Variants in TBCA observed in about 807,000 individuals in gnomAD.
The protein encoded by TBCA is tubulin-specific chaperone A.
A neutral mutation model predicts 15.8 loss-of-function variants in TBCA; 6 were observed. That is an observed-to-expected ratio of 0.38 (90% CI 0.21 to 0.75). The LOEUF (loss-of-function observed/expected upper bound fraction) is 0.75. Among genes scored for constraint, TBCA ranks in the 30% least tolerant of loss-of-function variants. TBCA has a pLI of 0.46. For synonymous variants in TBCA, 32 were observed against 42.3 expected, an observed-to-expected ratio of 0.76 and a Z score of 0.94; for missense variants, 90 against 131.2, an observed-to-expected ratio of 0.69 and a Z score of 1.53.
chr5:77,749,374 T>G (rs1403266400), intron 1 of TBCA, among the ~76,000 whole-genome samples: 1 of 152,256 alleles, frequency 6.6e-6, no homozygotes, highest in Non-Finnish European at 1.5e-5. Context: ...CCACAAATTA[T>G]GCTATGCATG....
intron 1 of TBCA, among the ~76,000 whole-genome samples, chr5:77,742,425 T>C (rs1032222442): frequency 2.0e-5 from 3 of 152,190 alleles, no homozygotes; most frequent in Middle Eastern, 3.2e-3. Context: ...AATAAAAACA[T>C]AGAAAATTTT....
At chr5:77,739,286 C>T (rs537281407) in intron 1 of TBCA, among the ~76,000 whole-genome samples, 90 of 152,032 alleles carry the variant, frequency 5.9e-4, no homozygotes, top group South Asian at 1.0e-3. Flanking sequence ...CATGGTGAAC[C>T]CTTGTCTCCA....
rs1195707089 is a variant in TBCA at position 77,708,267 on chromosome 5, C to T, written c.134G>A (p.Gly45Asp). Residue 45 changes from glycine to aspartate, a missense_variant, in exon 2 of 4, where the codon GGT (glycine) becomes GAT (aspartate). Gly to Asp is a moderately conservative substitution (Grantham distance 94). Transcript: ENST00000380377. ...CTGCTTTTTAATGTCATAATTTTCACCGTCTTCAGCTCTCATTTTTTCAAT... is the reference window on the plus strand; with the variant it reads ...CTGCTTTTTAATGTCATAATTTTCATCGTCTTCAGCTCTCATTTTTTCAAT... ...EKIEKMRAEDGENYDIKKQAE... is the reference protein window; with the variant it reads ...EKIEKMRAEDDENYDIKKQAE... 5 of 1,608,186 alleles carry T rather than the reference C, an allele frequency of 3.1e-6. No homozygotes were observed. The highest frequency in any genetic ancestry group is 4.2e-6 in the Non-Finnish European group (5 of 1,177,076).
chr5:77,701,700 T>TAC (rs1746020447), intron 2 of TBCA, among the ~76,000 whole-genome samples: 1 of 130,634 alleles, frequency 7.7e-6, no homozygotes, highest in Non-Finnish European at 1.7e-5. Context: ...TATATATATA[T>TAC]ATATATATAT....
At chr5:77,716,758 T>C (rs1746406752) in intron 1 of TBCA, among the ~76,000 whole-genome samples, 1 of 152,228 alleles carries the variant, frequency 6.6e-6, no homozygotes, top group Non-Finnish European at 1.5e-5. Context: ...TGTGTTCAAT[T>C]ACAGCAGGCA....
chr5:77,734,816 T>G (rs562029323), intron 1 of TBCA, among the ~76,000 whole-genome samples: 1 of 152,276 alleles, frequency 6.6e-6, no homozygotes, highest in East Asian at 1.9e-4. Flanking sequence ...GCAGCAATCT[T>G]CATTGTCTTA....
chr5:77,745,023 A>T (rs577743701), intron 1 of TBCA, among the ~76,000 whole-genome samples: 1 of 152,316 alleles, frequency 6.6e-6, no homozygotes, highest in East Asian at 1.9e-4. Flanking sequence ...GGTCATTGCA[A>T]CTACTTCACA....
intron 1 of TBCA, among the ~76,000 whole-genome samples, chr5:77,716,132 G>A (rs1183564281): frequency 6.6e-6 from 1 of 152,076 alleles, no homozygotes; most frequent in Non-Finnish European, 1.5e-5. Flanking sequence ...TCTCCACAAT[G>A]TTTTTAAAAG....
chr5:77,763,881 C>G (rs1467851290), intron 1 of TBCA, among the ~76,000 whole-genome samples: 1 of 152,178 alleles, frequency 6.6e-6, no homozygotes, highest in East Asian at 1.9e-4. Context: ...GATTTCATTC[C>G]TGGGTATATA....
At chr5:77,767,977 T>C (rs1747822225) in intron 1 of TBCA, among the ~76,000 whole-genome samples, 2 of 152,202 alleles carry the variant, frequency 1.3e-5, no homozygotes, top group Non-Finnish European at 1.5e-5. Flanking sequence ...AAGGCCCTTA[T>C]AAAAGAGGCT....
chr5:77,705,054 A>G, intron 2 of TBCA, among the ~76,000 whole-genome samples: 1 of 152,212 alleles, frequency 6.6e-6, no homozygotes, highest in East Asian at 1.9e-4. Flanking sequence ...TTTTCAAATG[A>G]CAATTACAAC....
Position 77,754,877 on chromosome 5 carries a change from A to G in TBCA, c.53+21328T>C, listed in dbSNP as rs188480134. Among the ~76,000 whole-genome samples, 1,225 of 152,324 alleles carry G rather than the reference A, an allele frequency of 8.0e-3. 19 individuals carry two copies. Among genetic ancestry groups the G allele is most frequent in the African/African-American group, 0.027 (1,141 of 41,576 alleles). On this transcript the variant is annotated intron_variant, in intron 1 of 3. Transcript: ENST00000380377. ...ATTTTACCAATAATTTAAAAGTTACATTATTAAATATTTTACTTCAGTCAT... is the reference window on the plus strand; with the variant it reads ...ATTTTACCAATAATTTAAAAGTTACGTTATTAAATATTTTACTTCAGTCAT...
chr5:77,755,432 C>A (rs1268552024), intron 1 of TBCA, among the ~76,000 whole-genome samples: 2 of 151,470 alleles, frequency 1.3e-5, no homozygotes, highest in Non-Finnish European at 1.5e-5. Context: ...TAAAAATTAG[C>A]CGTGTGTGGT....
At chr5:77,741,427 G>A (rs1010799111) in intron 1 of TBCA, among the ~76,000 whole-genome samples, 2 of 152,120 alleles carry the variant, frequency 1.3e-5, no homozygotes, top group Non-Finnish European at 2.9e-5. Context: ...ATTCCAAGAG[G>A]AGGTAATAAG....
intron 1 of TBCA, among the ~76,000 whole-genome samples, chr5:77,717,543 C>T (rs149796213): frequency 6.6e-6 from 1 of 152,106 alleles, no homozygotes; most frequent in Admixed American, 6.6e-5. Flanking sequence ...CTTGTTTTTG[C>T]TTTTAGTCGG....
At chr5:77,699,476 A>G (rs1031284911) in intron 2 of TBCA, among the ~76,000 whole-genome samples, 1 of 152,196 alleles carries the variant, frequency 6.6e-6, no homozygotes, top group Non-Finnish European at 1.5e-5. Context: ...AAAGCAATTC[A>G]ATGAAAGGAA....
chr5:77,723,046 C>A (rs1746559559), intron 1 of TBCA, among the ~76,000 whole-genome samples: 2 of 151,516 alleles, frequency 1.3e-5, no homozygotes. Context: ...ACTGAATTCA[C>A]ATTTTAGTAG....
intron 1 of TBCA, among the ~76,000 whole-genome samples, chr5:77,764,912 G>A (rs1217852785): frequency 2.6e-5 from 4 of 151,878 alleles, no homozygotes; most frequent in Admixed American, 6.6e-5. Context: ...AAGGAGCTTT[G>A]TTTATGTGAA....
At chr5:77,693,659 C>G (rs1266426793) in intron 2 of TBCA, 1 of 299,742 alleles carries the variant, frequency 3.3e-6, no homozygotes, top group Non-Finnish European at 6.4e-6. Flanking sequence ...ATTAGCAGGG[C>G]GTGGTGGAGC....
Sources: gnomAD v4.1 joint callset for allele counts (sites outside exome capture counted in the v4.1 genomes callset) on GRCh38, gnomAD v4.1.1 for gene constraint, MANE v1.5 for transcripts, NCBI Gene and HGNC (gene_info 2026-07-23, HGNC 2026-07-21) for gene names.